Variants in SVOP observed in about 807,000 individuals in gnomAD.
SVOP encodes the protein SV2 related protein.
Under a neutral mutation model 69.1 loss-of-function variants are expected in SVOP, and 17 were observed. The ratio of observed to expected loss-of-function variants is 0.25; its 90% CI spans 0.17 to 0.37. The LOEUF is 0.37. Ranked by LOEUF, SVOP falls within the 10% of genes least tolerant of loss-of-function variation. The pLI is 1.00. For synonymous variants in SVOP, 238 were observed against 238.6 expected, an observed-to-expected ratio of 1.00 and a Z score of 0.02; for missense variants, 435 against 597.5, an observed-to-expected ratio of 0.73 and a Z score of 2.84.
intron 13 of SVOP, among the ~76,000 whole-genome samples, chr12:108,919,199 A>G (rs2137388557): frequency 6.7e-6 from 1 of 148,558 alleles, no homozygotes; most frequent in Non-Finnish European, 1.5e-5. Context: ...TTACACCCAC[A>G]CTTGGGCTTA....
At chr12:108,958,755 C>T (rs1461045170) in intron 6 of SVOP, among the ~76,000 whole-genome samples, 1 of 152,060 alleles carries the variant, frequency 6.6e-6, no homozygotes, top group Non-Finnish European at 1.5e-5. Context: ...AAAGTAGCTG[C>T]CTTGCCTAAG....
At chr12:109,016,605 G>A (rs2040369104) in intron 1 of SVOP, among the ~76,000 whole-genome samples, 1 of 152,052 alleles carries the variant, frequency 6.6e-6, no homozygotes, top group African/African-American at 2.4e-5. Flanking sequence ...CTTCTTCCTG[G>A]AATGTTCTTA....
At position 108,978,559 on chromosome 12, in the gene SVOP, G is replaced by GC. The variant is rs1202282325; in HGVS notation, c.282+18dup. On this transcript the variant is annotated intron_variant, in intron 3 of 15. Coordinates refer to ENST00000610966, the MANE Select transcript of SVOP (RefSeq NM_018711.5). ...GGGGTTTCTTGGAGGCTGAGCCACTGCCCCCCAGAAATACTTGCCCAAGCC... is the reference window on the plus strand; with the variant it reads ...GGGGTTTCTTGGAGGCTGAGCCACTGCCCCCCCAGAAATACTTGCCCAAGCC... The GC allele has an allele frequency of 1.0e-5, 7 of 702,452 alleles. No individual in the cohort carries two copies. Among genetic ancestry groups the GC allele is most frequent in the Middle Eastern group, 4.6e-4 (2 of 4,354 alleles). The allele number at this position is 702,452 out of a possible 1,614,324, so 43.5% of individuals were successfully genotyped here.
intron 1 of SVOP, among the ~76,000 whole-genome samples, chr12:108,988,770 CTTTT>C (rs758822738): frequency 1.1e-5 from 1 of 92,172 alleles, no homozygotes. Context: ...TCTTTTCTCT[CTTTT>C]TTTTTTTTTT....
At chr12:109,006,013 G>A (rs890227309) in intron 1 of SVOP, among the ~76,000 whole-genome samples, 6 of 152,074 alleles carry the variant, frequency 3.9e-5, no homozygotes, top group African/African-American at 9.6e-5. Context: ...ACATTCTCCC[G>A]CAAGAGGAGG....
chr12:109,013,619 G>A (rs2040353822), intron 1 of SVOP, among the ~76,000 whole-genome samples: 2 of 151,898 alleles, frequency 1.3e-5, no homozygotes, highest in African/African-American at 4.8e-5. Flanking sequence ...TGAACTTCTG[G>A]CCTCAAGTGA....
At chr12:108,978,805 C>T in intron 2 of SVOP, 142 bp from the exon 3 acceptor site, 2 of 567,986 alleles carry the variant, frequency 3.5e-6, no homozygotes, top group Non-Finnish European at 6.2e-6. Context: ...GAAAAATATT[C>T]CAGTGTGAAG....
intron 6 of SVOP, among the ~76,000 whole-genome samples, chr12:108,949,072 T>C (rs531819338): frequency 7.9e-5 from 12 of 152,350 alleles, no homozygotes; most frequent in African/African-American, 2.9e-4. Flanking sequence ...AACAAACCTA[T>C]AACGTATATC....
intron 11 of SVOP, among the ~76,000 whole-genome samples, chr12:108,932,526 G>A (rs1416417618): frequency 7.2e-5 from 11 of 152,212 alleles, no homozygotes; most frequent in African/African-American, 2.4e-4. Flanking sequence ...GGTCCTAGGC[G>A]AGCAAACTGA....
intron 6 of SVOP, among the ~76,000 whole-genome samples, chr12:108,949,301 ACTCT>A (rs1263040403): frequency 2.7e-5 from 4 of 150,402 alleles, no homozygotes; most frequent in Non-Finnish European, 5.9e-5. Flanking sequence ...ACAGAGTCTC[ACTCT>A]CTCATCCAGG....
At chr12:108,946,410 T>C (rs2039923446) in intron 6 of SVOP, among the ~76,000 whole-genome samples, 1 of 152,102 alleles carries the variant, frequency 6.6e-6, no homozygotes, top group Non-Finnish European at 1.5e-5. Context: ...CCGCAAATGG[T>C]ATTTTTTATT....
At position 108,919,298 on chromosome 12, in the gene SVOP, G is replaced by T. The variant is rs887414459; in HGVS notation, c.1268+377C>A. On this transcript the variant is annotated intron_variant, in intron 13 of 15. Transcript: ENST00000610966. Reference sequence around the variant, plus strand: ...TCTACCCCACCTGTACCCACACTTGGGCCAATACCCACACCTGGGCCTGCA... The same window carrying T: ...TCTACCCCACCTGTACCCACACTTGTGCCAATACCCACACCTGGGCCTGCA... Among the ~76,000 whole-genome samples the T allele has an allele frequency of 2.8e-4, 39 of 137,406 alleles. 1 individual carries two copies. Among genetic ancestry groups the T allele is most frequent in the Admixed American group, 2.8e-3 (38 of 13,474 alleles). 90.1% of individuals were successfully genotyped at this position (137,406 alleles called of 152,430 possible). A position where few individuals can be genotyped will look rare whatever the true frequency, so the allele number is the denominator to read the frequency against.
chr12:109,006,556 A>G (rs575635895), intron 1 of SVOP, among the ~76,000 whole-genome samples: 233 of 152,192 alleles, frequency 1.5e-3, no homozygotes, highest in Non-Finnish European at 2.8e-3. Context: ...CGTGACCAAG[A>G]GCCTTTATTG....
At chr12:108,966,588 A>G (rs1392559017) in intron 5 of SVOP, among the ~76,000 whole-genome samples, 1 of 151,972 alleles carries the variant, frequency 6.6e-6, no homozygotes, top group Middle Eastern at 3.2e-3. Flanking sequence ...AAGCTTTATA[A>G]TTAGAGTCTG....
chr12:108,991,566 G>A (rs553053396), intron 1 of SVOP, among the ~76,000 whole-genome samples: 1 of 151,970 alleles, frequency 6.6e-6, no homozygotes, highest in African/African-American at 2.4e-5. Flanking sequence ...AGCAATCCTC[G>A]TGCCTTGGCC....
intron 6 of SVOP, among the ~76,000 whole-genome samples, chr12:108,957,384 G>A (rs1408038684): frequency 6.6e-6 from 1 of 152,026 alleles, no homozygotes; most frequent in African/African-American, 2.4e-5. Flanking sequence ...GGATGGTCTC[G>A]AACTCCTGTC....
In SVOP at chr12:108,936,930, C is replaced by T. The variant is rs2039859960; in HGVS notation, c.971+334G>A. 8 of 314,924 alleles carry T rather than the reference C, an allele frequency of 2.5e-5. No homozygotes were observed. In the South Asian group the frequency reaches 2.9e-4, roughly 11 times the overall value. 19.5% of individuals were successfully genotyped at this position (314,924 alleles called of 1,614,324 possible). A position where few individuals can be genotyped will look rare whatever the true frequency, so the allele number is the denominator to read the frequency against. ...TAGAGTTATAAGCCTGGTTCAGCGG[C>T]TTACAACTGTAATCCCAGAATTTGG... On this transcript the variant is annotated intron_variant, in intron 10 of 15. Coordinates refer to ENST00000610966, the MANE Select transcript of SVOP (RefSeq NM_018711.5).
intron 1 of SVOP, among the ~76,000 whole-genome samples, chr12:108,998,201 AAG>A (rs1385576952): frequency 1.3e-5 from 2 of 152,242 alleles, no homozygotes; most frequent in African/African-American, 4.8e-5. Flanking sequence ...AACTGGAAGA[AAG>A]AGTATCAGCA....
intron 1 of SVOP, among the ~76,000 whole-genome samples, chr12:108,992,930 G>C (rs2137446772): frequency 6.6e-6 from 1 of 152,294 alleles, no homozygotes; most frequent in East Asian, 1.9e-4. Context: ...GTGGGGGGCT[G>C]GGGTGGCACA....
Sources: gnomAD v4.1 joint callset for allele counts (sites outside exome capture counted in the v4.1 genomes callset) on GRCh38, gnomAD v4.1.1 for gene constraint, MANE v1.5 for transcripts, NCBI Gene and HGNC (gene_info 2026-07-23, HGNC 2026-07-21) for gene names.